The following CFAP46 variants were observed in gnomAD, a reference collection of about 807,000 sequenced individuals.
The protein encoded by CFAP46 is cilia- and flagella-associated protein 46.
A neutral mutation model predicts 325.7 loss-of-function variants in CFAP46; 245 were observed. The ratio of observed to expected loss-of-function variants is 0.75; its 90% CI spans 0.68 to 0.84. The LOEUF (loss-of-function observed/expected upper bound fraction) is 0.84, where lower values mean the gene tolerates loss of function less well. Among genes scored for constraint, CFAP46 ranks in the 40% least tolerant of loss-of-function variants. The pLI, the probability that CFAP46 is intolerant of heterozygous loss-of-function variation, is 0.00. For missense variants in CFAP46, 3,346 were observed against 3,543.0 expected (o/e 0.94, Z 1.41); for synonymous variants, 1,523 against 1,495.9 (o/e 1.02, Z -0.42).
intron 50 of CFAP46, among the ~76,000 whole-genome samples, chr10:132,822,613 T>C (rs1847889671): frequency 7.1e-6 from 1 of 140,352 alleles, no homozygotes; most frequent in Non-Finnish European, 1.5e-5. Context: ...GTGTGCTGTG[T>C]GTTGTGTGAG....
intron 31 of CFAP46, among the ~76,000 whole-genome samples, 151 bp from the exon 32 acceptor site, chr10:132,872,975 C>G (rs905562689): frequency 6.6e-5 from 10 of 152,270 alleles, no homozygotes; most frequent in African/African-American, 2.4e-4. Flanking sequence ...ACAGCAGGTG[C>G]TCAGTGCGTT....
At position 132,938,734 on chromosome 10, in the gene CFAP46, T is replaced by C. The variant is rs1850052092; in HGVS notation, c.391A>G (p.Asn131Asp). 6.2e-7 allele frequency: 1 copy of C among 1,613,092 alleles called. No individual in the cohort carries two copies. The highest frequency in any genetic ancestry group is 8.5e-7 in the Non-Finnish European group (1 of 1,179,882). Residue 131 changes from asparagine to aspartate, a missense_variant, in exon 5 of 58, where the codon AAT becomes GAT. Transcript: ENST00000368586. Reference protein sequence around the residue: ...GEPRYYFLVYNASVLYWQMVR... With the variant: ...GEPRYYFLVYDASVLYWQMVR... ...ATCTGCCAGTAGAGGACTGATGCAT[T>C]GTACACCAAAAAGTAGTACCTGCGG...
At position 132,909,240 on chromosome 10, in the gene CFAP46, G is replaced by C; in HGVS notation, c.2654C>G (p.Thr885Ser). 1.9e-6 allele frequency: 3 copies of C among 1,549,848 alleles called. No homozygotes were observed. The highest frequency in any genetic ancestry group is 2.6e-6 in the Non-Finnish European group (3 of 1,146,466). Residue 885 changes from threonine (T) to serine (S), a missense_variant, in exon 21 of 58, where the codon ACC becomes AGC. By Grantham distance (58) the Thr-to-Ser change is moderately conservative (BLOSUM62 1). Coordinates refer to ENST00000368586, the MANE Select transcript of CFAP46 (RefSeq NM_001200049.3). The stretch of plus-strand genomic sequence containing the variant: ...GGTCACCGAGCTGACATCCTCATTG[G>C]TGCCCTGGTGGGGAGGATGCCCTGA... ...GPRLGTEEQG[T>S]NEDVSSVTRV...
Position 132,884,990 on chromosome 10 carries a change from G to T in CFAP46, c.3627+113C>A. ...GCATTCTCTGTGCCCGTCAGCTGTG[G>T]CTGCTCTGCGTGCTGCCCCACACCA... is the stretch of plus-strand genomic sequence containing the variant. On this transcript the variant is annotated intron_variant, in intron 27 of 57. Transcript: ENST00000368586. This position sits in a 1 kb window ranked among gnomAD's most constrained non-coding sequence, Gnocchi z 5.4. 1 of 1,169,278 alleles carries T rather than the reference G, an allele frequency of 8.6e-7. No homozygotes were observed. The highest frequency in any genetic ancestry group is 1.2e-6 in the Non-Finnish European group (1 of 847,998). 72.4% of individuals were successfully genotyped at this position (1,169,278 alleles called of 1,614,324 possible).
chr10:132,941,754 G>C (rs1376544627), intron 2 of CFAP46, 32 bp from the exon 3 acceptor site: 2 of 1,612,514 alleles, frequency 1.2e-6, no homozygotes, highest in Non-Finnish European at 1.7e-6. Context: ...GAAGATCACA[G>C]ACCCGGAGGG....
intron 34 of CFAP46, among the ~76,000 whole-genome samples, chr10:132,867,023 C>T (rs1848823752): frequency 6.6e-6 from 1 of 152,192 alleles, no homozygotes; most frequent in South Asian, 2.1e-4. Context: ...ACATAAAGCT[C>T]ATCTTTCCCG....
At chr10:132,891,869 T>C (rs7907613) in intron 25 of CFAP46, among the ~76,000 whole-genome samples, 91,295 of 152,062 alleles carry the variant, frequency 0.6, 28,569 homozygotes, top group African/African-American at 0.77. Flanking sequence ...GCCTCCCCTC[T>C]GAGTTGTCCC....
intron 50 of CFAP46, among the ~76,000 whole-genome samples, chr10:132,824,973 T>G (rs1179160043): frequency 7.5e-6 from 1 of 132,864 alleles, no homozygotes; most frequent in Non-Finnish European, 1.7e-5. Flanking sequence ...TGAGTGCTGA[T>G]GTGTGCTGAT....
At position 132,822,514 on chromosome 10, in the gene CFAP46, A is replaced by ACGTGTGC. The variant is rs1565036352; in HGVS notation, c.7118-7601_7118-7600insGCACACG. ...GTGTGCTGATGTGTGCTGTGTGCTG[A>ACGTGTGC]TGTGTGCTGACGTGTGCTGTGTGCT... On this transcript the variant is annotated intron_variant, in intron 50 of 57. Transcript: ENST00000368586. Among the ~76,000 whole-genome samples the ACGTGTGC allele has an allele frequency of 1.5e-3, 100 of 68,260 alleles. 3 individuals carry two copies. Among genetic ancestry groups the ACGTGTGC allele is most frequent in the African/African-American group, 6.0e-3 (98 of 16,302 alleles). The allele number at this position is 68,260 out of a possible 152,430, so 44.8% of individuals were successfully genotyped here. A position where few individuals can be genotyped will look rare whatever the true frequency, so the allele number is the denominator to read the frequency against.
chr10:132,917,242 C>T (rs1001631763), intron 16 of CFAP46, among the ~76,000 whole-genome samples: 5 of 152,272 alleles, frequency 3.3e-5, no homozygotes, highest in African/African-American at 1.2e-4. Context: ...CGGCAGGTGC[C>T]CTGTCCTCCA....
intron 50 of CFAP46, among the ~76,000 whole-genome samples, chr10:132,821,747 ATGTGTGCTGTG>A (rs1380775062): frequency 5.0e-5 from 4 of 80,132 alleles, no homozygotes; most frequent in Admixed American, 4.4e-4. Context: ...GTGTGCGCTG[ATGTGTGCTGTG>A]TGTGTGCTGT....
At chr10:132,863,373 G>C (rs1450834686) in intron 35 of CFAP46, among the ~76,000 whole-genome samples, 1 of 152,130 alleles carries the variant, frequency 6.6e-6, no homozygotes, top group Non-Finnish European at 1.5e-5. Flanking sequence ...GCCCTCTTCT[G>C]TGTCTGCGGC....
In CFAP46 at chr10:132,858,295, G is replaced by C. The variant is rs4880451; in HGVS notation, c.5376-507C>G. Among the ~76,000 whole-genome samples, 85 of 93,144 alleles carry C rather than the reference G, an allele frequency of 9.1e-4. 2 individuals carry two copies. The highest frequency in any genetic ancestry group is 2.9e-3 in the African/African-American group (84 of 28,814). 61.1% of individuals were successfully genotyped at this position (93,144 alleles called of 152,430 possible). A position where few individuals can be genotyped will look rare whatever the true frequency, so the allele number is the denominator to read the frequency against. ...TTTGCTGGGGGCGGCCCCAGGTTGG[G>C]GGCAGGGAGGTGGGCGGGGCCATGG... On this transcript the variant is annotated intron_variant, in intron 38 of 57. Transcript: ENST00000368586.
intron 22 of CFAP46, among the ~76,000 whole-genome samples, chr10:132,903,706 T>C (rs2135499039): frequency 6.6e-6 from 1 of 152,352 alleles, no homozygotes; most frequent in East Asian, 1.9e-4. Context: ...AGGCCGGAAC[T>C]AGGTGACTTT....
chr10:132,872,599 GAATT>G, intron 32 of CFAP46, 73 bp downstream of exon 32: 1 of 1,488,954 alleles, frequency 6.7e-7, no homozygotes, highest in Non-Finnish European at 9.2e-7. Context: ...GTCAACTACA[GAATT>G]AATACCTTAA....
intron 24 of CFAP46, among the ~76,000 whole-genome samples, chr10:132,893,190 C>T (rs1390160703): frequency 6.6e-6 from 1 of 152,250 alleles, no homozygotes; most frequent in Non-Finnish European, 1.5e-5. Flanking sequence ...ACGTGCAAAA[C>T]TCCAGTAAAC....
chr10:132,879,474 G>C lies in CFAP46; in HGVS notation c.3957C>G (p.Tyr1319Ter), dbSNP rs1466847546. 1 of 1,546,030 alleles carries C rather than the reference G, an allele frequency of 6.5e-7. No homozygotes were observed. Among genetic ancestry groups the C allele is most frequent in the Non-Finnish European group, 8.7e-7 (1 of 1,145,314 alleles). ...ALVLSPGAEG[Y>*]EDCCLAAYAF... ...CGTAGGCTGCAAGGCAGCAGTCCTC[G>C]TAGCCCTCGGCGCCCGGCGACAGCA... Residue 1319 changes from tyrosine to a stop codon, truncating the protein, a stop_gained, in exon 29 of 58, where the codon TAC (tyrosine) becomes TAG (stop). Transcript: ENST00000368586. LOFTEE classifies it high-confidence loss of function.
At chr10:132,940,305 G>A (rs1001105322) in intron 4 of CFAP46, among the ~76,000 whole-genome samples, 2 of 152,114 alleles carry the variant, frequency 1.3e-5, no homozygotes, top group Admixed American at 6.5e-5. Context: ...ATATGTTCAA[G>A]CAAATATGCT....
chr10:132,882,649 CG>C (rs1436609705), intron 27 of CFAP46, among the ~76,000 whole-genome samples: 1 of 151,874 alleles, frequency 6.6e-6, no homozygotes, highest in East Asian at 1.9e-4. Flanking sequence ...TGGGCGGCAG[CG>C]GTGCTTAGCT....
Sources: gnomAD v4.1 joint callset for allele counts (sites outside exome capture counted in the v4.1 genomes callset) on GRCh38, gnomAD v4.1.1 for gene constraint, Gnocchi (gnomAD v3.1) non-coding constraint, MANE v1.5 for transcripts, NCBI Gene and HGNC (gene_info 2026-07-23, HGNC 2026-07-21) for gene names.